MYO5C: variants seen among roughly 807,000 people sequenced by gnomAD.
MYO5C encodes unconventional myosin-Vc.
MYO5C carries 194 observed loss-of-function variants against 235.7 expected under a neutral mutation model. The ratio of observed to expected loss-of-function variants is 0.82; its 90% CI spans 0.73 to 0.93. MYO5C has a LOEUF of 0.93. Ranked by LOEUF, MYO5C falls within the 40% of genes least tolerant of loss-of-function variation. The pLI is 0.00. For missense variants in MYO5C, 2,038 were observed against 2,127.2 expected, an observed-to-expected ratio of 0.96 and a Z score of 0.82; for synonymous variants, 707 against 754.8, an observed-to-expected ratio of 0.94 and a Z score of 1.04.
At chr15:52,286,521 T>C (rs574243312) in intron 1 of MYO5C, among the ~76,000 whole-genome samples, 4 of 152,210 alleles carry the variant, frequency 2.6e-5, no homozygotes, top group Admixed American at 2.6e-4. Flanking sequence ...GGGGAAAAGA[T>C]TGAGAAATCG....
Position 52,261,147 on chromosome 15 carries a change from C to T in MYO5C, c.1048-20G>A. The T allele has an allele frequency of 6.2e-7, 1 of 1,610,500 alleles. No individual in the cohort carries two copies. The highest frequency in any genetic ancestry group is 2.2e-5 in the East Asian group (1 of 44,850). ...ATCCTCCTTCAAAAACAAGCACAAG[C>T]CCCGTCAGGTGGCCCAGCCATCCAA... On this transcript the variant is annotated intron_variant, in intron 9 of 40. Coordinates refer to ENST00000261839, the MANE Select transcript of MYO5C (RefSeq NM_018728.4).
chr15:52,196,484 C>T lies in MYO5C; in HGVS notation c.4821-1G>A. The T allele has an allele frequency of 6.2e-7, 1 of 1,611,834 alleles. No individual in the cohort carries two copies. The highest frequency in any genetic ancestry group is 8.5e-7 in the Non-Finnish European group (1 of 1,179,086). ...TTCTTCTAAGTAGCTGATATTGCACCTGGAGGGAAAGGCAGAAGAACAGAG... is the reference window on the plus strand; with the variant it reads ...TTCTTCTAAGTAGCTGATATTGCACTTGGAGGGAAAGGCAGAAGAACAGAG... On this transcript the variant is annotated splice_acceptor_variant, in intron 38 of 40. Transcript: ENST00000261839. LOFTEE classifies it high-confidence loss of function.
In MYO5C at chr15:52,221,238, T is replaced by C. The variant is rs1672846207; in HGVS notation, c.3645A>G (p.Lys1215=). 6.2e-7 allele frequency: 1 copy of C among 1,611,580 alleles called. No individual in the cohort carries two copies. Among genetic ancestry groups the C allele is most frequent in the African/African-American group, 1.3e-5 (1 of 74,844 alleles). ...TSENMMIPDF[K]QQISELEKQK... is the part of the protein sequence containing the mutation. ...GTTTCTCCAATTCTGAAATTTGCTG[T>C]TTAAAGTCTGGGATCATCTTTAGAG... The change falls in exon 30 of 41, where the codon AAA becomes AAG. Residue 1215 remains lysine, a synonymous_variant. Coordinates refer to ENST00000261839, the MANE Select transcript of MYO5C (RefSeq NM_018728.4).
intron 33 of MYO5C, among the ~76,000 whole-genome samples, chr15:52,213,954 G>A (rs1196662563): frequency 6.6e-6 from 1 of 152,206 alleles, no homozygotes; most frequent in Non-Finnish European, 1.5e-5. Flanking sequence ...TTTGAGGTGA[G>A]AGTTGGATAA....
chr15:52,264,158 C>G (rs1236513462), intron 9 of MYO5C, 32 bp downstream of exon 9: 10 of 1,544,180 alleles, frequency 6.5e-6, no homozygotes, highest in Non-Finnish European at 8.9e-6. Context: ...GACCCTTAGA[C>G]AAAGGAAAAG....
At chr15:52,267,647 T>C (rs1316621053) in intron 8 of MYO5C, among the ~76,000 whole-genome samples, 2 of 152,134 alleles carry the variant, frequency 1.3e-5, no homozygotes, top group East Asian at 3.9e-4. Flanking sequence ...GACTGCACCA[T>C]TGTACCCCAG....
rs116727026 is a variant in MYO5C at position 52,276,307 on chromosome 15, C to T, written c.450-589G>A. ...AAAAGCAGCACGGGGAAAAGGCACA[C>T]GGGGCAAGGTCCAGTGGAACACGGG... is the stretch of plus-strand genomic sequence containing the variant. On this transcript the variant is annotated intron_variant, in intron 4 of 40. Coordinates refer to ENST00000261839, the MANE Select transcript of MYO5C (RefSeq NM_018728.4). Among the ~76,000 whole-genome samples, 1,160 of 152,274 alleles carry T rather than the reference C, an allele frequency of 7.6e-3. 13 individuals are homozygous for T. Among genetic ancestry groups the T allele is most frequent in the African/African-American group, 0.027 (1,102 of 41,540 alleles).
At chr15:52,246,870 A>G in intron 16 of MYO5C, 47 bp downstream of exon 16, 2 of 1,501,684 alleles carry the variant, frequency 1.3e-6, no homozygotes, top group Non-Finnish European at 1.8e-6. Flanking sequence ...TTTATGGCAG[A>G]AACTGCCTTC....
At chr15:52,253,156 C>T (rs573818907) in intron 12 of MYO5C, among the ~76,000 whole-genome samples, 161 bp downstream of exon 12, 20 of 152,204 alleles carry the variant, frequency 1.3e-4, no homozygotes, top group Non-Finnish European at 2.5e-4. Context: ...CCAGTGGGCC[C>T]TCTGGGGTCC....
intron 23 of MYO5C, among the ~76,000 whole-genome samples, chr15:52,234,950 C>G (rs1021217031): frequency 6.6e-6 from 1 of 151,886 alleles, no homozygotes; most frequent in Non-Finnish European, 1.5e-5. Flanking sequence ...TAGGCAAGAT[C>G]ACTGAGAGTG....
intron 13 of MYO5C, 29 bp downstream of exon 13, chr15:52,251,361 G>T: frequency 1.3e-6 from 2 of 1,576,368 alleles, no homozygotes; most frequent in South Asian, 1.2e-5. Context: ...TTCCGGGGTT[G>T]ACAGCATTGA....
chr15:52,220,576 C>T (rs1214396790), intron 30 of MYO5C, among the ~76,000 whole-genome samples: 1 of 151,892 alleles, frequency 6.6e-6, no homozygotes, highest in South Asian at 2.1e-4. Context: ...CCCAGAACAT[C>T]GGGAAGCCAA....
intron 1 of MYO5C, among the ~76,000 whole-genome samples, chr15:52,285,573 C>A (rs911017973): frequency 2.6e-5 from 4 of 152,222 alleles, no homozygotes; most frequent in Admixed American, 2.6e-4. Context: ...CGGCTCACTG[C>A]AACCTCCCTG....
chr15:52,264,311 T>C lies in MYO5C; in HGVS notation c.941-15A>G. Reference sequence around the variant, plus strand: ...CTCCTTGAAACCTAAAAACAAACATTTTCCCAGATTAGAATACTGCATCTC... The same window carrying C: ...CTCCTTGAAACCTAAAAACAAACATCTTCCCAGATTAGAATACTGCATCTC... On this transcript the variant is annotated splice_polypyrimidine_tract_variant and intron_variant, in intron 8 of 40. Transcript: ENST00000261839. 6.3e-7 allele frequency: 1 copy of C among 1,592,868 alleles called. No homozygotes were observed. Among genetic ancestry groups the C allele is most frequent in the Non-Finnish European group, 8.6e-7 (1 of 1,161,654 alleles).
chr15:52,295,516 G>A, intron 1 of MYO5C, 94 bp downstream of exon 1: 1 of 1,400,904 alleles, frequency 7.1e-7, no homozygotes, highest in Non-Finnish European at 9.5e-7. Context: ...CAGGTGCGCA[G>A]GTGTGGCAGG....
chr15:52,279,825 A>G, intron 2 of MYO5C, 151 bp from the exon 3 acceptor site: 1 of 764,100 alleles, frequency 1.3e-6, no homozygotes, highest in Non-Finnish European at 2.0e-6. Flanking sequence ...AAATCTTCAC[A>G]GCTGACTCCT....
intron 24 of MYO5C, among the ~76,000 whole-genome samples, chr15:52,232,256 G>GAAGGAAGGAGA (rs1566971591): frequency 3.6e-5 from 2 of 56,152 alleles, no homozygotes; most frequent in African/African-American, 1.7e-4. Context: ...AAGGAGAGAA[G>GAAGGAAGGAGA]GAAGGAAGGA....
chr15:52,281,465 C>G (rs975415893), intron 2 of MYO5C, among the ~76,000 whole-genome samples: 4 of 152,242 alleles, frequency 2.6e-5, no homozygotes, highest in African/African-American at 9.6e-5. Flanking sequence ...CAAACAAAGC[C>G]ATCTGATCCC....
rs766024870 is a variant in MYO5C at position 52,214,535 on chromosome 15, G to A, written c.4042+68C>T. On this transcript the variant is annotated intron_variant, in intron 33 of 40. Coordinates refer to ENST00000261839, the MANE Select transcript of MYO5C (RefSeq NM_018728.4). ...GGTTTCATAAGCTTTGGACCAGAAAGAAAATAAACACTTGAGCGCATGTTA... is the reference window on the plus strand; with the variant it reads ...GGTTTCATAAGCTTTGGACCAGAAAAAAAATAAACACTTGAGCGCATGTTA... 345 of 1,176,824 alleles carry A rather than the reference G, an allele frequency of 2.9e-4. 1 individual carries two copies. Among genetic ancestry groups the A allele is most frequent in the Non-Finnish European group, 4.0e-4 (336 of 835,566 alleles). 72.9% of individuals were successfully genotyped at this position (1,176,824 alleles called of 1,614,324 possible). A position where few individuals can be genotyped will look rare whatever the true frequency, so the allele number is the denominator to read the frequency against.
Sources: allele counts gnomAD v4.1 joint callset (sites outside exome capture counted in the v4.1 genomes callset), GRCh38; gene constraint gnomAD v4.1.1; transcripts MANE v1.5; gene names NCBI Gene and HGNC (gene_info 2026-07-23, HGNC 2026-07-21).